The following POLR1A variants were observed in gnomAD, a reference collection of about 807,000 sequenced individuals.
The protein encoded by POLR1A is DNA-directed RNA polymerase I subunit RPA1.
A neutral mutation model predicts 205.3 loss-of-function variants in POLR1A; 84 were observed. The observed-to-expected ratio is 0.41, with a 90% CI of 0.34 to 0.49. POLR1A has a LOEUF of 0.49. Among genes scored for constraint, POLR1A ranks in the 20% least tolerant of loss-of-function variants. The pLI, the probability that POLR1A is intolerant of heterozygous loss-of-function variation, is 0.22. For synonymous variants in POLR1A, 799 were observed against 863.7 expected, an observed-to-expected ratio of 0.93 and a Z score of 1.31; for missense variants, 1,645 against 2,204.5, an observed-to-expected ratio of 0.75 and a Z score of 5.08.
chr2:86,043,193 C>A lies in POLR1A; in HGVS notation c.3138G>T (p.Val1046=), dbSNP rs753886666. Residue 1046 remains valine (V), a splice_region_variant and synonymous_variant, in exon 23 of 34, where the codon GTG becomes GTT. Transcript: ENST00000263857. ...QFPFLASNYE[V]IMKSQHLHEV... is the part of the protein sequence containing the mutation. Reference sequence around the variant, plus strand: ...CATGGAGATGCTGTGATTTCATTATCACCTAAACAAACAAACAAAAAAACA... The same window carrying A: ...CATGGAGATGCTGTGATTTCATTATAACCTAAACAAACAAACAAAAAAACA... 14 of 1,608,854 alleles carry A rather than the reference C, an allele frequency of 8.7e-6. No homozygotes were observed. The highest frequency in any genetic ancestry group is 1.3e-5 in the African/African-American group (1 of 74,710).
intron 12 of POLR1A, among the ~76,000 whole-genome samples, chr2:86,074,060 T>G (rs1447486256): frequency 6.6e-6 from 1 of 152,196 alleles, no homozygotes; most frequent in Non-Finnish European, 1.5e-5. Context: ...GAGAATACAG[T>G]AATACAGGCA....
intron 33 of POLR1A, 127 bp from the exon 34 acceptor site, chr2:86,027,650 G>T: frequency 1.1e-6 from 1 of 890,512 alleles, no homozygotes. Flanking sequence ...AAGCTGATGG[G>T]ATCACGAGGC....
At chr2:86,054,423 T>C in intron 14 of POLR1A, 134 bp from the exon 15 acceptor site, 3 of 799,384 alleles carry the variant, frequency 3.8e-6, no homozygotes, top group Non-Finnish European at 3.9e-6. Flanking sequence ...TTTCTGATGA[T>C]CTCAGGTATG....
At chr2:86,071,608 T>C (rs1018064277) in intron 12 of POLR1A, among the ~76,000 whole-genome samples, 1 of 152,304 alleles carries the variant, frequency 6.6e-6, no homozygotes, top group East Asian at 1.9e-4. Flanking sequence ...AATTTAAAGA[T>C]AAGAATTTAA....
chr2:86,062,757 CTT>C (rs200126098), intron 14 of POLR1A, among the ~76,000 whole-genome samples: 1 of 151,650 alleles, frequency 6.6e-6, no homozygotes, highest in Non-Finnish European at 1.5e-5. Flanking sequence ...AAACCAAAGA[CTT>C]TTTTTTGAGA....
intron 6 of POLR1A, among the ~76,000 whole-genome samples, chr2:86,086,634 G>A (rs1163274083): frequency 6.6e-6 from 1 of 152,248 alleles, no homozygotes; most frequent in Non-Finnish European, 1.5e-5. Flanking sequence ...CCCAAGCCTG[G>A]AGCTGTAGAA....
At chr2:86,059,215 C>T (rs1672953995) in intron 14 of POLR1A, among the ~76,000 whole-genome samples, 1 of 152,162 alleles carries the variant, frequency 6.6e-6, no homozygotes, top group South Asian at 2.1e-4. Flanking sequence ...AAATCAGTCA[C>T]AAGACAATTA....
At chr2:86,043,513 G>A (rs973887573) in intron 22 of POLR1A, among the ~76,000 whole-genome samples, 5 of 152,070 alleles carry the variant, frequency 3.3e-5, no homozygotes, top group African/African-American at 1.2e-4. Flanking sequence ...GAAGAGTGAT[G>A]GCCAAGCTCA....
intron 14 of POLR1A, among the ~76,000 whole-genome samples, chr2:86,063,313 C>G (rs1673029708): frequency 9.8e-6 from 1 of 102,022 alleles, no homozygotes; most frequent in Non-Finnish European, 1.8e-5. Flanking sequence ...CCAGCCTGGG[C>G]AGCAAGAGCA....
intron 1 of POLR1A, among the ~76,000 whole-genome samples, chr2:86,102,127 C>T (rs1673832139): frequency 6.6e-6 from 1 of 152,216 alleles, no homozygotes; most frequent in African/African-American, 2.4e-5. Flanking sequence ...TGAGACCCTA[C>T]TTTCAATTCC....
At chr2:86,041,190 T>TGCGCGCGCGCGCACGCGCGC (rs201038475) in intron 24 of POLR1A, among the ~76,000 whole-genome samples, 1 of 41,926 alleles carries the variant, frequency 2.4e-5, no homozygotes, top group African/African-American at 7.0e-5. Context: ...TGTGTGTGTG[T>TGCGCGCGCGCGCACGCGCGC]GCGCGCTGAG....
intron 1 of POLR1A, among the ~76,000 whole-genome samples, chr2:86,100,788 G>C (rs1462854232): frequency 6.6e-6 from 1 of 152,060 alleles, no homozygotes; most frequent in East Asian, 1.9e-4. Context: ...AGATCCGCCT[G>C]CCTCAGCCTC....
At chr2:86,099,656 A>G (rs1291985479) in intron 2 of POLR1A, among the ~76,000 whole-genome samples, 2 of 152,118 alleles carry the variant, frequency 1.3e-5, no homozygotes, top group African/African-American at 2.4e-5. Flanking sequence ...TGCCACTGAG[A>G]TTTCTGAAGA....
intron 5 of POLR1A, 57 bp from the exon 6 acceptor site, chr2:86,088,726 A>G (rs1673550563): frequency 6.3e-7 from 1 of 1,594,178 alleles, no homozygotes; most frequent in Non-Finnish European, 8.6e-7. Flanking sequence ...GATATTTAAT[A>G]ATAGCAATGA....
intron 1 of POLR1A, among the ~76,000 whole-genome samples, chr2:86,104,588 C>CA (rs1361090942): frequency 2.0e-5 from 3 of 151,942 alleles, no homozygotes; most frequent in Non-Finnish European, 4.4e-5. Flanking sequence ...ACTGGGACTA[C>CA]AGGTGCCCGC....
chr2:86,054,223 C>T lies in POLR1A; in HGVS notation c.2125G>A (p.Ala709Thr), dbSNP rs1486534579. 4 of 1,613,862 alleles carry T rather than the reference C, an allele frequency of 2.5e-6. No homozygotes were observed. The East Asian group carries it at 8.9e-5, about 36-fold the overall frequency. The part of the protein sequence containing the change: ...DHIPLNLSGK[A>T]KITGKAWVKE... ...ACCCAGGCTTTCCCAGTGATTTTCG[C>T]CTTTCCAGATAAGTTCAGTGGGATG... The change falls in exon 15 of 34, where the codon GCG becomes ACG. Residue 709 changes from alanine (A) to threonine (T), a missense_variant. Ala to Thr is a moderately conservative substitution (Grantham distance 58). This residue lies in a region of POLR1A where 339 missense variants were observed against 415.1 expected (regional missense o/e 0.82). Transcript: ENST00000263857.
chr2:86,072,899 C>T (rs922535698), intron 12 of POLR1A, among the ~76,000 whole-genome samples: 21 of 152,204 alleles, frequency 1.4e-4, no homozygotes, highest in African/African-American at 4.8e-4. Context: ...GACCCATATG[C>T]AACACATTAA....
Position 86,038,692 on chromosome 2 carries a change from G to C in POLR1A, c.4034+8C>G, listed in dbSNP as rs1042945473. The C allele has an allele frequency of 1.2e-6, 2 of 1,612,538 alleles. No individual in the cohort carries two copies. Among genetic ancestry groups the C allele is most frequent in the African/African-American group, 2.7e-5 (2 of 74,882 alleles). On this transcript the variant is annotated splice_region_variant and intron_variant, in intron 27 of 33. Coordinates refer to ENST00000263857, the MANE Select transcript of POLR1A (RefSeq NM_015425.6). Reference sequence around the variant, plus strand: ...AAGGTCAATGACAATCACAGCCTGAGCCCTGACCTTGTTTCCATGAAGCGC... The same window carrying C: ...AAGGTCAATGACAATCACAGCCTGACCCCTGACCTTGTTTCCATGAAGCGC...
chr2:86,038,249 AC>A (rs1358546320), intron 27 of POLR1A, among the ~76,000 whole-genome samples: 3 of 152,206 alleles, frequency 2.0e-5, no homozygotes, highest in Non-Finnish European at 4.4e-5. Flanking sequence ...GCAGCGTGCC[AC>A]CCGCACATTG....
Sources: gnomAD v4.1 joint callset for allele counts (sites outside exome capture counted in the v4.1 genomes callset) on GRCh38, gnomAD v4.1.1 for gene constraint, gnomAD v4.1.1 regional missense constraint, MANE v1.5 for transcripts, NCBI Gene and HGNC (gene_info 2026-07-23, HGNC 2026-07-21) for gene names.